Variants in NAALADL2 observed in about 807,000 individuals in gnomAD.
NAALADL2 encodes the protein N-acetylated alpha-linked acidic dipeptidase like 2.
Under a neutral mutation model 87.2 loss-of-function variants are expected in NAALADL2, and 76 were observed. That is an observed-to-expected ratio of 0.87 (90% CI 0.72 to 1.05). The LOEUF is 1.05. NAALADL2 is among the 50% of genes least tolerant of loss of function. The pLI is 0.00. For missense variants in NAALADL2, 1,089 were observed against 945.8 expected (o/e 1.15, Z -1.99); for synonymous variants, 354 against 331.0 (o/e 1.07, Z -0.75).
At chr3:175,159,800 C>G (rs1028476354) in intron 2 of NAALADL2, among the ~76,000 whole-genome samples, 2 of 151,498 alleles carry the variant, frequency 1.3e-5, no homozygotes, top group East Asian at 2.0e-4. Flanking sequence ...TGCCTCCCTC[C>G]CATCCTTCCT....
intron 1 of NAALADL2, among the ~76,000 whole-genome samples, chr3:175,029,194 A>G (rs2108902970): frequency 6.6e-6 from 1 of 152,138 alleles, no homozygotes; most frequent in Admixed American, 6.6e-5. Flanking sequence ...TACTAATTCA[A>G]ACTGAAAAAC....
At chr3:174,568,760 A>G (rs961044976) in intron 2 of NAALADL2, among the ~76,000 whole-genome samples, 2 of 151,732 alleles carry the variant, frequency 1.3e-5, no homozygotes, top group Admixed American at 1.3e-4. Context: ...TCCCCATGCC[A>G]TATAACCTTA....
At chr3:175,091,176 A>G (rs911764572) in intron 1 of NAALADL2, among the ~76,000 whole-genome samples, 2 of 152,160 alleles carry the variant, frequency 1.3e-5, no homozygotes, top group Admixed American at 6.5e-5. Context: ...GATTTTGCCT[A>G]TAAAGAATAT....
chr3:175,106,916 G>A (rs59366110), intron 2 of NAALADL2, among the ~76,000 whole-genome samples: 10,926 of 66,656 alleles, frequency 0.16, 467 homozygotes, highest in East Asian at 0.29. Flanking sequence ...TTATGCAAAA[G>A]TATCGAATCA....
At chr3:175,791,939 T>C (rs1752837816) in intron 13 of NAALADL2, among the ~76,000 whole-genome samples, 1 of 151,478 alleles carries the variant, frequency 6.6e-6, no homozygotes, top group South Asian at 2.1e-4. Flanking sequence ...CTGATATTTC[T>C]ACTATTTACT....
chr3:175,274,288 A>G (rs1753271190), intron 4 of NAALADL2, among the ~76,000 whole-genome samples: 1 of 152,194 alleles, frequency 6.6e-6, no homozygotes, highest in East Asian at 1.9e-4. Context: ...TCCCACGTCC[A>G]TGATACAGTT....
At chr3:175,133,692 G>C (rs569549365) in intron 2 of NAALADL2, among the ~76,000 whole-genome samples, 16 of 152,282 alleles carry the variant, frequency 1.1e-4, no homozygotes, top group African/African-American at 2.9e-4. Flanking sequence ...GCTTCGGCTT[G>C]GCATCAGAGG....
chr3:175,710,672 A>G (rs937107599), intron 11 of NAALADL2, among the ~76,000 whole-genome samples: 26 of 151,788 alleles, frequency 1.7e-4, no homozygotes, highest in African/African-American at 6.0e-4. Flanking sequence ...ATATATGTCT[A>G]TATTTTGAGA....
In NAALADL2 at chr3:175,771,639, G is replaced by A. The variant is rs1022068552; in HGVS notation, c.2189+16221G>A. 4.6e-5 allele frequency among the ~76,000 whole-genome samples: 7 copies of A among 152,134 alleles called. No homozygotes were observed. The East Asian group carries it at 5.8e-4, about 13-fold the overall frequency. ...GCCTCAGTCTTCACATGGCCTTCTCGTCTTTGTGTATCTGTTTAATCTCTC... is the reference window on the plus strand; with the variant it reads ...GCCTCAGTCTTCACATGGCCTTCTCATCTTTGTGTATCTGTTTAATCTCTC... On this transcript the variant is annotated intron_variant, in intron 13 of 13. Coordinates refer to ENST00000454872, the MANE Select transcript of NAALADL2 (RefSeq NM_207015.3).
intron 2 of NAALADL2, among the ~76,000 whole-genome samples, chr3:174,685,313 T>G (rs1727930515): frequency 6.6e-6 from 1 of 152,086 alleles, no homozygotes; most frequent in African/African-American, 2.4e-5. Flanking sequence ...CATCATCATC[T>G]TGATTCTTCT....
chr3:174,748,161 T>C (rs1221739353), intron 3 of NAALADL2, among the ~76,000 whole-genome samples: 1 of 151,538 alleles, frequency 6.6e-6, no homozygotes, highest in Non-Finnish European at 1.5e-5. Context: ...GGGTCTGTCA[T>C]GGGGGTGGAG....
intron 1 of NAALADL2, among the ~76,000 whole-genome samples, chr3:175,094,110 C>T (rs977337687): frequency 1.4e-5 from 2 of 138,896 alleles, no homozygotes; most frequent in Non-Finnish European, 3.2e-5. Context: ...CCAAGCTCTA[C>T]GATTCAATGT....
intron 11 of NAALADL2, among the ~76,000 whole-genome samples, chr3:175,636,004 G>T (rs773793891): frequency 6.6e-6 from 1 of 152,072 alleles, no homozygotes; most frequent in Non-Finnish European, 1.5e-5. Context: ...ACCCTGTTAC[G>T]ACAGTTTAAT....
chr3:175,226,807 A>G (rs944468346), intron 2 of NAALADL2, among the ~76,000 whole-genome samples: 11 of 152,122 alleles, frequency 7.2e-5, no homozygotes, highest in African/African-American at 2.7e-4. Context: ...CCTCTCAACC[A>G]TTTAATTCCT....
intron 1 of NAALADL2, among the ~76,000 whole-genome samples, chr3:174,906,516 T>G (rs1002658625): frequency 1.3e-5 from 2 of 152,158 alleles, no homozygotes; most frequent in African/African-American, 4.8e-5. Flanking sequence ...ACCCTCTGGA[T>G]AGGCCTACAT....
At chr3:175,332,554 G>A (rs1476196730) in intron 5 of NAALADL2, among the ~76,000 whole-genome samples, 1 of 152,100 alleles carries the variant, frequency 6.6e-6, no homozygotes, top group Non-Finnish European at 1.5e-5. Context: ...TCCTGCCTTC[G>A]CCTCCCAAAA....
At chr3:174,704,891 A>G (rs187961747) in intron 2 of NAALADL2, among the ~76,000 whole-genome samples, 4 of 152,350 alleles carry the variant, frequency 2.6e-5, no homozygotes, top group African/African-American at 9.6e-5. Context: ...GATATAAACA[A>G]GATTTAAGTT....
chr3:174,702,303 GAAT>G (rs1407093716), intron 2 of NAALADL2, among the ~76,000 whole-genome samples: 3 of 152,066 alleles, frequency 2.0e-5, no homozygotes, highest in Non-Finnish European at 4.4e-5. Context: ...TACAATAAAA[GAAT>G]AATCTTTTTT....
At chr3:175,587,548 A>G (rs1043065579) in intron 10 of NAALADL2, among the ~76,000 whole-genome samples, 1 of 152,170 alleles carries the variant, frequency 6.6e-6, no homozygotes, top group Non-Finnish European at 1.5e-5. Context: ...AAATGTCATG[A>G]ATCAAATTAA....
Sources: allele counts gnomAD v4.1 joint callset (sites outside exome capture counted in the v4.1 genomes callset), GRCh38; gene constraint gnomAD v4.1.1; transcripts MANE v1.5; gene names NCBI Gene and HGNC (gene_info 2026-07-23, HGNC 2026-07-21).